NXPE1: variants seen among roughly 807,000 people sequenced by gnomAD.
The protein encoded by NXPE1 is neurexophilin and PC-esterase domain family member 1.
In NXPE1, 31 loss-of-function variants were observed where a neutral mutation model predicts 33.3. The ratio of observed to expected loss-of-function variants is 0.93; its 90% CI spans 0.70 to 1.26. The LOEUF is 1.26. Among genes scored for constraint, NXPE1 ranks in the 50% most tolerant of loss-of-function variants. The probability of loss-of-function intolerance (pLI) is 0.00; values close to 1 mark genes in which losing one functional copy is unlikely to be tolerated. For synonymous variants in NXPE1, 229 were observed against 231.4 expected (o/e 0.99, Z 0.09); for missense variants, 661 against 655.6 (o/e 1.01, Z -0.09).
intron 1 of NXPE1, among the ~76,000 whole-genome samples, chr11:114,554,918 GA>G (rs1367874165): frequency 3.9e-5 from 6 of 152,176 alleles, no homozygotes; most frequent in African/African-American, 1.2e-4. Context: ...ACTGGCAGGG[GA>G]TAGCAGAGCT....
intron 1 of NXPE1, among the ~76,000 whole-genome samples, chr11:114,556,346 A>T (rs576383): frequency 0.59 from 88,988 of 152,016 alleles, 27,360 homozygotes; most frequent in African/African-American, 0.79. Context: ...CTTATTCAGC[A>T]GTTGTTCTGT....
intron 7 of NXPE1, 82 bp from the exon 8 acceptor site, chr11:114,523,173 C>T: frequency 1.0e-6 from 1 of 977,340 alleles, no homozygotes; most frequent in Non-Finnish European, 1.6e-6. Context: ...CATTTTCTTG[C>T]TCTCTTTCCC....
intron 8 of NXPE1, 107 bp from the exon 9 acceptor site, chr11:114,522,610 C>G (rs1203371260): frequency 1.1e-6 from 1 of 946,854 alleles, no homozygotes; most frequent in Non-Finnish European, 1.5e-6. Context: ...TAATTGCTCA[C>G]TGGAGCCTTT....
chr11:114,535,109 A>G (rs547451840), intron 5 of NXPE1, among the ~76,000 whole-genome samples: 1 of 152,378 alleles, frequency 6.6e-6, no homozygotes, highest in African/African-American at 2.4e-5. Flanking sequence ...GAGCCAGAAG[A>G]GAGTGGGGAC....
intron 5 of NXPE1, among the ~76,000 whole-genome samples, chr11:114,534,281 C>T (rs1042309640): frequency 1.3e-5 from 2 of 152,210 alleles, no homozygotes. Context: ...CAAAACCCAT[C>T]TGTACATAAC....
At chr11:114,521,246 G>A (rs1345084633), downstream of NXPE1, among the ~76,000 whole-genome samples, 2 of 152,208 alleles carry the variant, frequency 1.3e-5, no homozygotes, top group South Asian at 2.1e-4. Flanking sequence ...CTCCACTTAC[G>A]ACACATGAGA....
At chr11:114,536,026 T>G (rs1281032080) in intron 5 of NXPE1, among the ~76,000 whole-genome samples, 1 of 152,202 alleles carries the variant, frequency 6.6e-6, no homozygotes, top group Non-Finnish European at 1.5e-5. Flanking sequence ...GACCACATAG[T>G]TGGAAGTAAA....
Position 114,523,035 on chromosome 11 carries a change from C to T in NXPE1, c.952G>A (p.Gly318Ser), listed in dbSNP as rs79538449. 1,054 of 1,613,720 alleles carry T rather than the reference C, an allele frequency of 6.5e-4. 5 individuals are homozygous for T. In the African/African-American group the frequency reaches 0.012, roughly 18 times the overall value. ...ATCCATTTTCCTTGTAAAGTATAAC[C>T]ACCAGGGACAGGAGGCTTCATTCCA... is the stretch of plus-strand genomic sequence containing the variant. The change falls in exon 8 of 9, where the codon GGT (glycine) becomes AGT (serine). Residue 318 changes from glycine (G) to serine (S), a missense_variant. Transcript: ENST00000534921.
intron 6 of NXPE1, chr11:114,528,651 T>G: frequency 2.2e-6 from 1 of 449,350 alleles, no homozygotes; most frequent in Non-Finnish European, 4.0e-6. Flanking sequence ...CTCCAATTGA[T>G]GAAAGATCAC....
At position 114,521,903 on chromosome 11, in the gene NXPE1, T is replaced by C. The variant is rs996319878; in HGVS notation, c.*65A>G. 1.4e-5 allele frequency: 17 copies of C among 1,244,044 alleles called. 1 individual carries two copies. The highest frequency in any genetic ancestry group is 1.9e-5 in the Non-Finnish European group (17 of 882,512). 77.1% of individuals were successfully genotyped at this position (1,244,044 alleles called of 1,614,324 possible). ...AGTTCCTAAAATGAGTAAAACTTAC[T>C]TTACAATACATGTGGGATTATGTGC... is the stretch of plus-strand genomic sequence containing the variant. On this transcript the variant is annotated 3_prime_UTR_variant, in exon 9 of 9. Transcript: ENST00000534921.
At chr11:114,528,759 G>C in intron 6 of NXPE1, 1 of 623,244 alleles carries the variant, frequency 1.6e-6, no homozygotes, top group Non-Finnish European at 3.0e-6. Context: ...GGGAGAATGA[G>C]GACCCAGGTG....
intron 5 of NXPE1, among the ~76,000 whole-genome samples, chr11:114,535,994 A>T (rs890269529): frequency 6.6e-5 from 10 of 152,194 alleles, no homozygotes; most frequent in Admixed American, 3.3e-4. Flanking sequence ...TTTCAGCACC[A>T]CACCAAACCT....
chr11:114,524,675 A>C lies in NXPE1; in HGVS notation c.896-1584T>G, dbSNP rs117231337. On this transcript the variant is annotated intron_variant, in intron 7 of 8. Coordinates refer to ENST00000534921, the Ensembl canonical transcript of NXPE1. ...GTTATTAAGTATTCTTTATCCTAATAATGTACTGGCACACTTTGCTGAGAA... is the reference window on the plus strand; with the variant it reads ...GTTATTAAGTATTCTTTATCCTAATCATGTACTGGCACACTTTGCTGAGAA... 1.1e-3 allele frequency among the ~76,000 whole-genome samples: 164 copies of C among 152,278 alleles called. 3 individuals are homozygous for C. The East Asian group carries it at 0.028, about 26-fold the overall frequency.
At chr11:114,537,700 A>G (rs958250720) in intron 5 of NXPE1, among the ~76,000 whole-genome samples, 12 of 152,102 alleles carry the variant, frequency 7.9e-5, no homozygotes, top group Admixed American at 5.2e-4. Context: ...AAGAGAATAA[A>G]ATACCTAGGA....
At chr11:114,519,773 T>C (rs1947168493), downstream of NXPE1, among the ~76,000 whole-genome samples, 1 of 152,196 alleles carries the variant, frequency 6.6e-6, no homozygotes, top group African/African-American at 2.4e-5. Context: ...TATGTATCTT[T>C]TATTTTTTAT....
chr11:114,550,711 A>G (rs1948450922), intron 5 of NXPE1, among the ~76,000 whole-genome samples: 1 of 152,198 alleles, frequency 6.6e-6, no homozygotes, highest in Non-Finnish European at 1.5e-5. Context: ...TTATAAGGGA[A>G]ACAGTACTGC....
intron 1 of NXPE1, among the ~76,000 whole-genome samples, chr11:114,559,216 C>G (rs529509934): frequency 6.6e-6 from 1 of 152,280 alleles, no homozygotes; most frequent in South Asian, 2.1e-4. Context: ...CATCCTACTG[C>G]CCACCTGGGG....
At chr11:114,559,852 A>C (rs1948737523) in exon 1 of NXPE1, 1 of 152,256 alleles carries the variant, frequency 6.6e-6, no homozygotes, top group South Asian at 2.1e-4. Flanking sequence ...GTGAGTTCTT[A>C]ACTGGCTCTT....
chr11:114,519,970 G>GGCTGGGACTACAGGCGCTCGCCACCGTCC (rs1947174569), downstream of NXPE1, among the ~76,000 whole-genome samples: 1 of 112,732 alleles, frequency 8.9e-6, no homozygotes, highest in Non-Finnish European at 1.7e-5. Context: ...CGGCGAGCTT[G>GGCTGGGACTACAGGCGCTCGCCACCGTCC]CCCGCTAATT....
Sources: gnomAD v4.1 joint callset for allele counts (sites outside exome capture counted in the v4.1 genomes callset) on GRCh38, gnomAD v4.1.1 for gene constraint, MANE v1.5 for transcripts, NCBI Gene and HGNC (gene_info 2026-07-23, HGNC 2026-07-21) for gene names.